The following SLC22A25 variants were observed in gnomAD, a reference collection of about 807,000 sequenced individuals.
SLC22A25 encodes the protein solute carrier family 22 member 25, also known as MGI:2442751, MGI:2385316, MGI:3042283, MGI:3645714, MGI:3605624, MGI:2442750.
SLC22A25 carries 44 observed loss-of-function variants against 45.9 expected under a neutral mutation model. The observed-to-expected ratio is 0.96, with a 90% CI of 0.75 to 1.23. The LOEUF (loss-of-function observed/expected upper bound fraction) is 1.23, where lower values mean the gene tolerates loss of function less well. Among genes scored for constraint, SLC22A25 ranks in the 50% most tolerant of loss-of-function variants. The probability of loss-of-function intolerance (pLI) is 0.00; values close to 1 mark genes in which losing one functional copy is unlikely to be tolerated. For missense variants in SLC22A25, 800 were observed against 666.4 expected (o/e 1.20, Z -2.21); for synonymous variants, 283 against 238.6 (o/e 1.19, Z -1.72).
intron 5 of SLC22A25, among the ~76,000 whole-genome samples, chr11:63,222,515 T>C (rs558778627): frequency 6.6e-6 from 1 of 152,194 alleles, no homozygotes; most frequent in African/African-American, 2.4e-5. Flanking sequence ...TTTGAATAGT[T>C]TTTTGGTGGA....
At chr11:63,174,499 T>C (rs755888305) in intron 9 of SLC22A25, among the ~76,000 whole-genome samples, 4 of 152,132 alleles carry the variant, frequency 2.6e-5, no homozygotes, top group Non-Finnish European at 4.4e-5. Flanking sequence ...GCACTAGCTG[T>C]CCACCAGGTA....
rs368295499 is a variant in SLC22A25 at position 63,163,338 on chromosome 11, G to A, written c.*486C>T. ...CCTTTTCCAACGCTTTTTTTCCCCC[G>A]TGAAAATTAGATAGACTGAATCTCA... On this transcript the variant is annotated 3_prime_UTR_variant, in exon 12 of 12. Coordinates refer to ENST00000306494, the MANE Select transcript of SLC22A25 (RefSeq NM_199352.6). Among the ~76,000 whole-genome samples the A allele has an allele frequency of 6.6e-5, 10 of 151,650 alleles. No homozygotes were observed. Among genetic ancestry groups the A allele is most frequent in the South Asian group, 2.1e-4 (1 of 4,784 alleles).
Position 63,183,810 on chromosome 11 carries a change from C to T in SLC22A25, c.838G>A (p.Ala280Thr), listed in dbSNP as rs1012664399. The T allele has an allele frequency of 6.2e-7, 1 of 1,612,914 alleles. No individual in the cohort carries two copies. Among genetic ancestry groups the T allele is most frequent in the Non-Finnish European group, 8.5e-7 (1 of 1,179,228 alleles). The change falls in exon 8 of 12, where the codon GCA becomes ACA. Residue 280 changes from alanine to threonine, a missense_variant. Physicochemically the swap from Ala to Thr is moderately conservative, Grantham distance 58. Transcript: ENST00000306494. The part of the protein sequence containing the change: ...FVFFLFSRWL[A>T]ESARWLIINN... Reference sequence around the variant, plus strand: ...ATAATGAGCCACCGAGCAGACTCTGCCAGCCACCTGAGCAAAGAAGAGGAC... The same window carrying T: ...ATAATGAGCCACCGAGCAGACTCTGTCAGCCACCTGAGCAAAGAAGAGGAC...
intron 9 of SLC22A25, among the ~76,000 whole-genome samples, chr11:63,170,154 A>T (rs1242808274): frequency 6.6e-6 from 1 of 152,216 alleles, no homozygotes; most frequent in Non-Finnish European, 1.5e-5. Flanking sequence ...TCTCTGGGAC[A>T]CAGCAAAAGC....
intron 8 of SLC22A25, among the ~76,000 whole-genome samples, chr11:63,182,038 G>C (rs1162311956): frequency 6.6e-6 from 1 of 152,042 alleles, no homozygotes; most frequent in African/African-American, 2.4e-5. Flanking sequence ...TTTGCTTTAG[G>C]CTAGAAGGGC....
rs547430050 is a variant in SLC22A25, at chr11:63,166,057, T to C, written c.1272A>G (p.Ile424Met). The C allele has an allele frequency of 1.9e-6, 3 of 1,613,830 alleles. No individual in the cohort carries two copies. The highest frequency in any genetic ancestry group is 2.2e-5 in the South Asian group (2 of 91,062). Residue 424 changes from isoleucine to methionine, a missense_variant, in exon 10 of 12, where the codon ATA becomes ATG. By Grantham distance (10) the Ile-to-Met change is conservative. Transcript: ENST00000306494. ...AACTTTTCTCACCTTGAGGCACAAATATGATGGCCAGAAGGCAGGTTGCCA... is the reference window on the plus strand; with the variant it reads ...AACTTTTCTCACCTTGAGGCACAAACATGATGGCCAGAAGGCAGGTTGCCA... ...FLLATCLLAI[I>M]FVPQEMQTLR...
chr11:63,170,650 T>C (rs1016519058), intron 9 of SLC22A25, among the ~76,000 whole-genome samples: 1 of 151,942 alleles, frequency 6.6e-6, no homozygotes, highest in Admixed American at 6.6e-5. Context: ...CAATAACAAG[T>C]TCTGAAATTG....
At chr11:63,239,888 G>A (rs555011292) in intron 1 of SLC22A25, among the ~76,000 whole-genome samples, 1 of 152,272 alleles carries the variant, frequency 6.6e-6, no homozygotes, top group South Asian at 2.1e-4. Flanking sequence ...TAGTGAGTAA[G>A]GGATAGGTAC....
At chr11:63,200,895 C>T (rs1158073573) in intron 7 of SLC22A25, among the ~76,000 whole-genome samples, 3 of 152,108 alleles carry the variant, frequency 2.0e-5, no homozygotes, top group East Asian at 1.9e-4. Flanking sequence ...AATGAATGAA[C>T]ACCCATTCAC....
At chr11:63,235,010 G>A (rs973340549) in intron 3 of SLC22A25, among the ~76,000 whole-genome samples, 2 of 152,220 alleles carry the variant, frequency 1.3e-5, no homozygotes, top group African/African-American at 2.4e-5. Flanking sequence ...GAGATCAGCT[G>A]TTAGTCTAAT....
At chr11:63,200,278 C>T (rs1191489807) in intron 7 of SLC22A25, among the ~76,000 whole-genome samples, 1 of 149,594 alleles carries the variant, frequency 6.7e-6, no homozygotes, top group Non-Finnish European at 1.5e-5. Context: ...TAAACAGAAT[C>T]CAGCAGCACA....
At chr11:63,175,836 T>TATAC (rs1014166813) in intron 9 of SLC22A25, among the ~76,000 whole-genome samples, 5 of 151,918 alleles carry the variant, frequency 3.3e-5, no homozygotes, top group Non-Finnish European at 7.4e-5. Context: ...TATATATATA[T>TATAC]ATACACATTT....
chr11:63,163,056 A>G lies in SLC22A25; in HGVS notation c.*768T>C, dbSNP rs1052293588. On this transcript the variant is annotated 3_prime_UTR_variant, in exon 12 of 12. Transcript: ENST00000306494. ...ATAAGTCCTGCATTCTTTAGGACAT[A>G]CTGATTCTTTGCCCACTAGCTTTAA... Among the ~76,000 whole-genome samples, 3 of 152,232 alleles carry G rather than the reference A, an allele frequency of 2.0e-5. No individual in the cohort carries two copies. The highest frequency in any genetic ancestry group is 7.2e-5 in the African/African-American group (3 of 41,466).
intron 7 of SLC22A25, among the ~76,000 whole-genome samples, chr11:63,202,947 T>G (rs560523264): frequency 2.0e-5 from 3 of 152,268 alleles, no homozygotes; most frequent in South Asian, 2.1e-4. Flanking sequence ...GGGATGAAAC[T>G]TCCAGAGGAA....
chr11:63,170,822 G>A (rs2087852603), intron 9 of SLC22A25, among the ~76,000 whole-genome samples: 1 of 146,488 alleles, frequency 6.8e-6, no homozygotes, highest in Middle Eastern at 3.2e-3. Flanking sequence ...TATGAGGCCA[G>A]CATTATCCTG....
intron 3 of SLC22A25, among the ~76,000 whole-genome samples, chr11:63,237,340 C>T (rs1045489455): frequency 6.6e-6 from 1 of 152,120 alleles, no homozygotes; most frequent in African/African-American, 2.4e-5. Context: ...GAGACGAGAC[C>T]TTTAAGAGGT....
intron 9 of SLC22A25, among the ~76,000 whole-genome samples, chr11:63,177,842 TATATATATAATGTATATATATA>T (rs57006673): frequency 0.72 from 83,227 of 115,092 alleles, 34,726 homozygotes; most frequent in Non-Finnish European, 0.78. Flanking sequence ...ATAATGTGTA[TATATATATAATGTATATATATA>T]ATATATATAA....
At chr11:63,219,082 A>G in intron 5 of SLC22A25, among the ~76,000 whole-genome samples, 1 of 152,230 alleles carries the variant, frequency 6.6e-6, no homozygotes, top group South Asian at 2.1e-4. Context: ...CTTCATATAT[A>G]GTAGCTATGA....
In SLC22A25 at chr11:63,229,236, A is replaced by T. The variant is rs1164466474; in HGVS notation, c.402+15T>A. The stretch of plus-strand genomic sequence containing the variant: ...CCAGGTCATGTACACAAGAGAGGAA[A>T]ATGAGGCCTCTTACCTTAGTCACAA... On this transcript the variant is annotated intron_variant, in intron 4 of 11. Transcript: ENST00000306494. The T allele has an allele frequency of 6.6e-7, 1 of 1,503,868 alleles. No individual in the cohort carries two copies. Among genetic ancestry groups the T allele is most frequent in the Admixed American group, 2.2e-5 (1 of 44,730 alleles). The allele number at this position is 1,503,868 out of a possible 1,614,324, so 93.2% of individuals were successfully genotyped here. A position where few individuals can be genotyped will look rare whatever the true frequency, so the allele number is the denominator to read the frequency against.
Sources: allele counts gnomAD v4.1 joint callset (sites outside exome capture counted in the v4.1 genomes callset), GRCh38; gene constraint gnomAD v4.1.1; transcripts MANE v1.5; gene names NCBI Gene and HGNC (gene_info 2026-07-23, HGNC 2026-07-21).